ZMYND11: variants seen among roughly 807,000 people sequenced by gnomAD.
The protein encoded by ZMYND11 is zinc finger MYND-type containing 11.
A neutral mutation model predicts 84.9 loss-of-function variants in ZMYND11; 9 were observed. That is an observed-to-expected ratio of 0.11 (90% CI 0.06 to 0.18). The LOEUF is 0.18. Among genes scored for constraint, ZMYND11 ranks in the 10% least tolerant of loss-of-function variants. The probability of loss-of-function intolerance (pLI) is 1.00; values close to 1 mark genes in which losing one functional copy is unlikely to be tolerated. For synonymous variants in ZMYND11, 250 were observed against 244.1 expected (o/e 1.02, Z -0.23); for missense variants, 409 against 761.0 (o/e 0.54, Z 5.44).
At chr10:230,245 C>T (rs1413616701) in intron 4 of ZMYND11, among the ~76,000 whole-genome samples, 5 of 151,952 alleles carry the variant, frequency 3.3e-5, no homozygotes, top group South Asian at 2.1e-4. Context: ...GAGGCCGAGG[C>T]GGGCGGATCA....
At chr10:218,695 T>G (rs1331123272) in intron 3 of ZMYND11, among the ~76,000 whole-genome samples, 4 of 152,214 alleles carry the variant, frequency 2.6e-5, no homozygotes, top group Non-Finnish European at 5.9e-5. Flanking sequence ...TGTTTTGAAT[T>G]GGCATTTCAC....
intron 6 of ZMYND11, among the ~76,000 whole-genome samples, chr10:239,013 A>G (rs1950452246): frequency 6.6e-6 from 1 of 152,262 alleles, no homozygotes; most frequent in Non-Finnish European, 1.5e-5. Context: ...GTTATGGTAA[A>G]CTGTCACAGA....
chr10:186,854 T>C (rs992519726), intron 2 of ZMYND11, among the ~76,000 whole-genome samples: 2 of 152,090 alleles, frequency 1.3e-5, no homozygotes, highest in South Asian at 2.1e-4. Context: ...GCGGAGTTCA[T>C]AGCAGTAATC....
intron 8 of ZMYND11, 83 bp from the exon 9 acceptor site, chr10:240,810 G>A (rs1225054346): frequency 3.8e-6 from 4 of 1,049,888 alleles, no homozygotes; most frequent in African/African-American, 1.6e-5. Context: ...ATACGTGAAT[G>A]TTAATTTACA....
chr10:211,657 A>G (rs535617833), intron 3 of ZMYND11, among the ~76,000 whole-genome samples: 1 of 152,350 alleles, frequency 6.6e-6, no homozygotes, highest in Non-Finnish European at 1.5e-5. Context: ...TCAGGAAAGA[A>G]CATTCACATT....
At chr10:130,835 G>A (rs532493202), upstream of ZMYND11, among the ~76,000 whole-genome samples, 5 of 152,058 alleles carry the variant, frequency 3.3e-5, no homozygotes, top group South Asian at 4.1e-4. Flanking sequence ...GAAGAGAGTC[G>A]GGGCCGGGCA....
intron 4 of ZMYND11, among the ~76,000 whole-genome samples, chr10:227,847 A>C (rs761042997): frequency 6.6e-6 from 1 of 152,212 alleles, no homozygotes; most frequent in Non-Finnish European, 1.5e-5. Context: ...TACACTTTCA[A>C]GATACATATT....
chr10:159,780 CTTGT>C (rs1842569071), intron 1 of ZMYND11, among the ~76,000 whole-genome samples: 1 of 151,918 alleles, frequency 6.6e-6, no homozygotes, highest in Non-Finnish European at 1.5e-5. Flanking sequence ...TGTTTGTTTG[CTTGT>C]TTGTTTCTAC....
intron 3 of ZMYND11, among the ~76,000 whole-genome samples, chr10:212,748 A>C (rs1945474908): frequency 6.6e-6 from 1 of 152,152 alleles, no homozygotes; most frequent in South Asian, 2.1e-4. Context: ...CTTACAACAA[A>C]AAACGCCTGT....
chr10:172,991 G>A lies in ZMYND11; in HGVS notation c.-19-7003G>A, dbSNP rs1845711893. 2.0e-5 allele frequency among the ~76,000 whole-genome samples: 3 copies of A among 151,508 alleles called. No homozygotes were observed. In the South Asian group the frequency reaches 6.2e-4, roughly 32 times the overall value. On this transcript the variant is annotated intron_variant, in intron 1 of 14. Coordinates refer to ENST00000381604, the MANE Select transcript of ZMYND11 (RefSeq NM_001370100.5). Reference sequence around the variant, plus strand: ...AGGCAATACATTGGAGCAAAAAATAGCCCTTGAGGAAATGGTGCTGGAACA... The same window carrying A: ...AGGCAATACATTGGAGCAAAAAATAACCCTTGAGGAAATGGTGCTGGAACA...
chr10:182,122 C>T (rs1220400896), intron 2 of ZMYND11, among the ~76,000 whole-genome samples: 1 of 152,176 alleles, frequency 6.6e-6, no homozygotes, highest in African/African-American at 2.4e-5. Context: ...GCTTTAGGGA[C>T]ATTTCTCTAA....
At chr10:241,479 C>G (rs371778505) in intron 9 of ZMYND11, among the ~76,000 whole-genome samples, 6 of 152,102 alleles carry the variant, frequency 3.9e-5, no homozygotes, top group African/African-American at 1.4e-4. Context: ...CACCCAGCGT[C>G]TGGGTCCCTT....
At chr10:220,363 G>A (rs1438507553) in intron 3 of ZMYND11, among the ~76,000 whole-genome samples, 1 of 152,000 alleles carries the variant, frequency 6.6e-6, no homozygotes, top group Non-Finnish European at 1.5e-5. Context: ...AAAGCTAAGA[G>A]TAATATTTAT....
At chr10:185,308 T>G (rs534964072) in intron 2 of ZMYND11, among the ~76,000 whole-genome samples, 78 of 152,242 alleles carry the variant, frequency 5.1e-4, no homozygotes, top group African/African-American at 1.8e-3. Context: ...TGTTCTCACC[T>G]GCTCAAATTT....
chr10:172,119 C>T (rs1271801638), intron 1 of ZMYND11, among the ~76,000 whole-genome samples: 1 of 152,116 alleles, frequency 6.6e-6, no homozygotes, highest in African/African-American at 2.4e-5. Context: ...GGGCATTAAT[C>T]CCATTCATGA....
chr10:184,937 T>A (rs1177137311), intron 2 of ZMYND11, among the ~76,000 whole-genome samples: 1 of 151,992 alleles, frequency 6.6e-6, no homozygotes, highest in Non-Finnish European at 1.5e-5. Flanking sequence ...ATACTTAGGG[T>A]CTTTTCAACT....
At chr10:185,143 T>A (rs958224288) in intron 2 of ZMYND11, among the ~76,000 whole-genome samples, 1 of 152,066 alleles carries the variant, frequency 6.6e-6, no homozygotes, top group African/African-American at 2.4e-5. Context: ...CCTGACCAGT[T>A]TCAGTGCTAT....
At chr10:176,351 A>G (rs1353594322) in intron 1 of ZMYND11, among the ~76,000 whole-genome samples, 1 of 152,102 alleles carries the variant, frequency 6.6e-6, no homozygotes, top group African/African-American at 2.4e-5. Flanking sequence ...TATTCCTCAA[A>G]TGTGTTGGAG....
chr10:221,085 T>C, intron 3 of ZMYND11, 110 bp from the exon 4 acceptor site: 1 of 986,118 alleles, frequency 1.0e-6, no homozygotes, highest in Non-Finnish European at 1.6e-6. Flanking sequence ...TAAATGTCTT[T>C]AAATTGTTTA....
Sources: allele counts gnomAD v4.1 joint callset (sites outside exome capture counted in the v4.1 genomes callset), GRCh38; gene constraint gnomAD v4.1.1; transcripts MANE v1.5; gene names NCBI Gene and HGNC (gene_info 2026-07-23, HGNC 2026-07-21).